GALNT13: variants seen among roughly 807,000 people sequenced by gnomAD.
The protein encoded by GALNT13 is UDP-GalNAc:polypeptide N-acetylgalactosaminyltransferase 13.
A neutral mutation model predicts 64.2 loss-of-function variants in GALNT13; 28 were observed. The observed-to-expected ratio is 0.44, with a 90% CI of 0.32 to 0.60. The LOEUF (loss-of-function observed/expected upper bound fraction) is 0.60. GALNT13 is among the 20% of genes least tolerant of loss of function. GALNT13 has a pLI of 0.05. For synonymous variants in GALNT13, 214 were observed against 224.6 expected, an observed-to-expected ratio of 0.95 and a Z score of 0.42; for missense variants, 577 against 669.8, an observed-to-expected ratio of 0.86 and a Z score of 1.53.
chr2:154,235,336 C>CACGTT (rs1371868066), intron 4 of GALNT13, among the ~76,000 whole-genome samples: 2 of 152,124 alleles, frequency 1.3e-5, no homozygotes, highest in African/African-American at 4.8e-5. Flanking sequence ...GAAGATTTAA[C>CACGTT]ACATTGTAAA....
chr2:154,259,657 G>A (rs1238239615), intron 8 of GALNT13, among the ~76,000 whole-genome samples: 1 of 152,098 alleles, frequency 6.6e-6, no homozygotes, highest in Non-Finnish European at 1.5e-5. Flanking sequence ...GGCCTTCCAT[G>A]TAAATAAAAA....
chr2:153,594,761 A>G, the GALNT13 span, among the ~76,000 whole-genome samples: 2 of 152,266 alleles, frequency 1.3e-5, no homozygotes, highest in East Asian at 1.9e-4. Context: ...TGTAAACACA[A>G]TAGTTTTACA....
At chr2:153,750,915 GT>G in the GALNT13 span, among the ~76,000 whole-genome samples, 3 of 151,484 alleles carry the variant, frequency 2.0e-5, no homozygotes, top group Non-Finnish European at 4.4e-5. Context: ...GTTTTTTGAA[GT>G]TTTTTCTCTT....
the GALNT13 span, among the ~76,000 whole-genome samples, chr2:153,579,544 G>T: frequency 6.6e-6 from 1 of 151,994 alleles, no homozygotes; most frequent in Non-Finnish European, 1.5e-5. Context: ...GATCCCTAAG[G>T]CATAATATGA....
intron 9 of GALNT13, among the ~76,000 whole-genome samples, chr2:154,339,339 G>T (rs1695625374): frequency 1.3e-5 from 2 of 152,018 alleles, no homozygotes; most frequent in Non-Finnish European, 2.9e-5. Flanking sequence ...TGTATCATTG[G>T]TTGTTTCTAA....
At chr2:153,943,500 T>G (rs1292536176) in intron 2 of GALNT13, among the ~76,000 whole-genome samples, 3 of 12,800 alleles carry the variant, frequency 2.3e-4, no homozygotes, top group African/African-American at 6.8e-4. Context: ...TATGTATGTA[T>G]TTTTTTTTTT....
intron 4 of GALNT13, among the ~76,000 whole-genome samples, chr2:154,169,001 A>C (rs1398002995): frequency 9.9e-5 from 15 of 152,128 alleles, no homozygotes; most frequent in Non-Finnish European, 1.8e-4. Flanking sequence ...CAGTTTGTGC[A>C]GAGATCACAT....
At chr2:154,310,903 G>T (rs1693995738) in intron 9 of GALNT13, among the ~76,000 whole-genome samples, 2 of 151,822 alleles carry the variant, frequency 1.3e-5, no homozygotes, top group Admixed American at 6.6e-5. Flanking sequence ...TTAAGACAAT[G>T]TCTGGCAAGT....
the GALNT13 span, among the ~76,000 whole-genome samples, chr2:153,639,637 C>A: frequency 0.14 from 21,628 of 152,070 alleles, 2,013 homozygotes; most frequent in East Asian, 0.43. Context: ...CTGAAAGTGC[C>A]AACAAGGACC....
chr2:153,850,742 A>C, the GALNT13 span, among the ~76,000 whole-genome samples: 63,546 of 152,042 alleles, frequency 0.42, 14,263 homozygotes, highest in Admixed American at 0.57. Flanking sequence ...ATGGAAGCTA[A>C]AAGTTCTGGG....
the GALNT13 span, among the ~76,000 whole-genome samples, chr2:153,602,318 C>T: frequency 0.48 from 72,910 of 151,556 alleles, 18,769 homozygotes; most frequent in African/African-American, 0.66. Context: ...TTCACGGTGT[C>T]TGTGAAAGAC....
chr2:154,341,613 G>C (rs569036663), intron 9 of GALNT13, among the ~76,000 whole-genome samples: 1 of 152,174 alleles, frequency 6.6e-6, no homozygotes, highest in East Asian at 1.9e-4. Context: ...TCAGACAGTT[G>C]GGGAAGAAGG....
At chr2:153,669,768 A>C in the GALNT13 span, among the ~76,000 whole-genome samples, 3 of 152,254 alleles carry the variant, frequency 2.0e-5, no homozygotes, top group East Asian at 1.9e-4. Context: ...TTTCATAGTC[A>C]AGGGAAGCCG....
chr2:153,678,525 T>C, the GALNT13 span, among the ~76,000 whole-genome samples: 1 of 151,974 alleles, frequency 6.6e-6, no homozygotes, highest in Non-Finnish European at 1.5e-5. Flanking sequence ...GGGGGCCTAC[T>C]TGAAGGTGGG....
intron 9 of GALNT13, among the ~76,000 whole-genome samples, chr2:154,306,068 C>T (rs1657980080): frequency 6.6e-6 from 1 of 152,008 alleles, no homozygotes; most frequent in African/African-American, 2.4e-5. Flanking sequence ...AGCCTTTGTC[C>T]CACCTCTCTG....
chr2:153,858,801 C>T, the GALNT13 span, among the ~76,000 whole-genome samples: 16 of 152,044 alleles, frequency 1.1e-4, no homozygotes, highest in East Asian at 1.9e-4. Context: ...GGCCTGATCT[C>T]GGCTCACTGC....
the GALNT13 span, chr2:153,421,922 C>A: frequency 5.3e-6 from 1 of 188,088 alleles, no homozygotes; most frequent in Non-Finnish European, 1.1e-5. Context: ...ATCCAGACAT[C>A]AGCCTCGCCA....
intron 3 of GALNT13, among the ~76,000 whole-genome samples, chr2:153,966,473 C>T (rs1394504492): frequency 6.6e-6 from 1 of 151,470 alleles, no homozygotes; most frequent in Non-Finnish European, 1.5e-5. Context: ...TCACGCCATT[C>T]TCCTGCCTCA....
At chr2:153,472,768 ATAGT>A in the GALNT13 span, among the ~76,000 whole-genome samples, 7 of 152,214 alleles carry the variant, frequency 4.6e-5, no homozygotes, top group African/African-American at 1.4e-4. Flanking sequence ...ATATACATAA[ATAGT>A]TAAACAAATG....
Sources: gnomAD v4.1 joint callset for allele counts (sites outside exome capture counted in the v4.1 genomes callset) on GRCh38, gnomAD v4.1.1 for gene constraint, MANE v1.5 for transcripts, NCBI Gene and HGNC (gene_info 2026-07-23, HGNC 2026-07-21) for gene names.